The following TRAPPC9 variants were observed in gnomAD, a reference collection of about 807,000 sequenced individuals.
The protein encoded by TRAPPC9 is trafficking protein particle complex subunit 9.
In TRAPPC9, 83 loss-of-function variants were observed where a neutral mutation model predicts 124.0. The observed-to-expected ratio is 0.67, with a 90% CI of 0.56 to 0.80. TRAPPC9 has a LOEUF of 0.80. Ranked by LOEUF, TRAPPC9 falls within the 30% of genes least tolerant of loss-of-function variation. The pLI, the probability that TRAPPC9 is intolerant of heterozygous loss-of-function variation, is 0.00. For missense variants in TRAPPC9, 1,302 were observed against 1,508.3 expected (o/e 0.86, Z 2.27); for synonymous variants, 638 against 617.5 (o/e 1.03, Z -0.49).
At chr8:139,979,637 A>G (rs1221801185) in intron 19 of TRAPPC9, among the ~76,000 whole-genome samples, 1 of 152,138 alleles carries the variant, frequency 6.6e-6, no homozygotes, top group Non-Finnish European at 1.5e-5. Context: ...AAAGTCTACG[A>G]ACCTCTAGTA....
At chr8:139,748,697 T>C (rs988552244) in intron 21 of TRAPPC9, among the ~76,000 whole-genome samples, 2 of 152,002 alleles carry the variant, frequency 1.3e-5, no homozygotes, top group Admixed American at 1.3e-4. Flanking sequence ...GCGCAGCCTC[T>C]CCTCCCTGGA....
intron 17 of TRAPPC9, among the ~76,000 whole-genome samples, chr8:140,048,191 A>G (rs1012841622): frequency 2.0e-5 from 3 of 152,236 alleles, no homozygotes; most frequent in Non-Finnish European, 2.9e-5. Flanking sequence ...CTCCTTGTCT[A>G]GAAGATGAGG....
intron 21 of TRAPPC9, among the ~76,000 whole-genome samples, chr8:139,808,486 G>C (rs542315823): frequency 6.6e-6 from 1 of 152,220 alleles, no homozygotes; most frequent in African/African-American, 2.4e-5. Flanking sequence ...ACAATTCAGG[G>C]TTTTTAAAAT....
At chr8:140,271,240 C>G (rs2064868687) in intron 15 of TRAPPC9, among the ~76,000 whole-genome samples, 1 of 152,114 alleles carries the variant, frequency 6.6e-6, no homozygotes, top group South Asian at 2.1e-4. Flanking sequence ...AAATTGGTCC[C>G]AAAAGGAGGG....
At chr8:140,356,901 T>G (rs2067768834) in intron 9 of TRAPPC9, among the ~76,000 whole-genome samples, 1 of 152,134 alleles carries the variant, frequency 6.6e-6, no homozygotes, top group South Asian at 2.1e-4. Context: ...TGAGCCACCA[T>G]GCCCGGCCAA....
chr8:140,221,635 TTTGTTGTTG>T (rs565536849), intron 16 of TRAPPC9, 52 bp from the exon 17 acceptor site: 3 of 1,572,142 alleles, frequency 1.9e-6, no homozygotes, highest in East Asian at 2.3e-5. Context: ...GGTTTTGGGG[TTTGTTGTTG>T]TTGTTGTTGT....
At chr8:139,736,775 G>A (rs539571479) in intron 21 of TRAPPC9, among the ~76,000 whole-genome samples, 4 of 152,282 alleles carry the variant, frequency 2.6e-5, no homozygotes, top group Non-Finnish European at 5.9e-5. Flanking sequence ...CCCGTCAGCA[G>A]CAACACCGGC....
chr8:140,341,679 G>GAA (rs577666696), intron 9 of TRAPPC9, among the ~76,000 whole-genome samples: 10 of 133,076 alleles, frequency 7.5e-5, no homozygotes, highest in Admixed American at 7.6e-5. Flanking sequence ...ATACGCATGG[G>GAA]AAAAAAAAAA....
At chr8:140,301,630 T>C (rs1396650313) in intron 10 of TRAPPC9, among the ~76,000 whole-genome samples, 2 of 151,726 alleles carry the variant, frequency 1.3e-5, no homozygotes, top group Non-Finnish European at 2.9e-5. Flanking sequence ...GGAGCAGAGG[T>C]GGGAAAACAG....
Position 140,101,550 on chromosome 8 carries a change from T to G in TRAPPC9, c.2557-77471A>C, listed in dbSNP as rs924349547. On this transcript the variant is annotated intron_variant, in intron 17 of 22. Coordinates refer to ENST00000438773, the MANE Select transcript of TRAPPC9 (RefSeq NM_001160372.4). ...GGGTTTTCTTTTTTTTGTTTTTTTTTTTTTTTTTTGAGACGTAGTTTTGGT... is the reference window on the plus strand; with the variant it reads ...GGGTTTTCTTTTTTTTGTTTTTTTTGTTTTTTTTTGAGACGTAGTTTTGGT... Among the ~76,000 whole-genome samples, 11 of 141,246 alleles carry G rather than the reference T, an allele frequency of 7.8e-5. 1 individual carries two copies. The East Asian group carries it at 1.3e-3, about 16-fold the overall frequency. 92.7% of individuals were successfully genotyped at this position (141,246 alleles called of 152,430 possible). A position where few individuals can be genotyped will look rare whatever the true frequency, so the allele number is the denominator to read the frequency against.
intron 21 of TRAPPC9, among the ~76,000 whole-genome samples, chr8:139,816,197 T>G (rs1183781835): frequency 6.6e-6 from 1 of 152,024 alleles, no homozygotes; most frequent in Non-Finnish European, 1.5e-5. Flanking sequence ...CCAGACTTGA[T>G]AGATGAGAGG....
chr8:140,398,389 A>C (rs1229550331), intron 6 of TRAPPC9, among the ~76,000 whole-genome samples: 1 of 152,190 alleles, frequency 6.6e-6, no homozygotes, highest in Non-Finnish European at 1.5e-5. Flanking sequence ...AAAGTTTGGA[A>C]CTTCCTAGAG....
chr8:140,320,483 G>A (rs1248652372), intron 9 of TRAPPC9, among the ~76,000 whole-genome samples: 1 of 152,102 alleles, frequency 6.6e-6, no homozygotes, highest in African/African-American at 2.4e-5. Flanking sequence ...CCCACTCAGG[G>A]GAGGCCACGC....
rs769118585 is a variant in TRAPPC9 at position 140,451,010 on chromosome 8, C to G, written c.364G>C (p.Gly122Arg). 2 of 1,614,162 alleles carry G rather than the reference C, an allele frequency of 1.2e-6. No homozygotes were observed. The highest frequency in any genetic ancestry group is 1.7e-6 in the Non-Finnish European group (2 of 1,180,022). Reference sequence around the variant, plus strand: ...GTGCGCGGCTGCTCCACGATCTCCCCCTGCAGCCCGAAGACAAAGAGCCGG... The same window carrying G: ...GTGCGCGGCTGCTCCACGATCTCCCGCTGCAGCCCGAAGACAAAGAGCCGG... ...DSRLFVFGLQ[G>R]EIVEQPRTDV... The change falls in exon 2 of 23, where the codon GGG becomes CGG. Residue 122 changes from glycine (G) to arginine (R), a missense_variant. By Grantham distance (125) the Gly-to-Arg change is moderately radical (BLOSUM62 -2). This residue lies in a region of TRAPPC9 where 657 missense variants were observed against 811.2 expected (regional missense o/e 0.81). Coordinates refer to ENST00000438773, the MANE Select transcript of TRAPPC9 (RefSeq NM_001160372.4).
chr8:140,400,682 A>T (rs902078512), intron 6 of TRAPPC9, among the ~76,000 whole-genome samples: 1 of 152,110 alleles, frequency 6.6e-6, no homozygotes, highest in African/African-American at 2.4e-5. Flanking sequence ...CTTAAGCTTC[A>T]TCCCCAGTTC....
chr8:140,048,224 A>G (rs1314626210), intron 17 of TRAPPC9, among the ~76,000 whole-genome samples: 1 of 152,212 alleles, frequency 6.6e-6, no homozygotes, highest in African/African-American at 2.4e-5. Flanking sequence ...GTGGCTTCAC[A>G]AGGCTGTTGT....
At chr8:139,822,847 C>A (rs922822319) in intron 21 of TRAPPC9, among the ~76,000 whole-genome samples, 2 of 152,228 alleles carry the variant, frequency 1.3e-5, no homozygotes, top group Admixed American at 1.3e-4. Flanking sequence ...CAATGTGTCA[C>A]CACTGTGGCT....
At chr8:140,398,621 T>G (rs2132391455) in intron 6 of TRAPPC9, among the ~76,000 whole-genome samples, 1 of 152,232 alleles carries the variant, frequency 6.6e-6, no homozygotes, top group East Asian at 1.9e-4. Flanking sequence ...GAGAGATGAT[T>G]TAGGATATCT....
chr8:140,391,041 G>A (rs2068909353), intron 7 of TRAPPC9, among the ~76,000 whole-genome samples: 1 of 152,158 alleles, frequency 6.6e-6, no homozygotes, highest in Non-Finnish European at 1.5e-5. Context: ...ATTATTATGT[G>A]CATATCTAGC....
Sources: allele counts gnomAD v4.1 joint callset (sites outside exome capture counted in the v4.1 genomes callset), GRCh38; gene constraint gnomAD v4.1.1; regional missense constraint gnomAD v4.1.1; transcripts MANE v1.5; gene names NCBI Gene and HGNC (gene_info 2026-07-23, HGNC 2026-07-21).